Variants in EPG5 observed in about 807,000 individuals in gnomAD.
The protein encoded by EPG5 is ectopic P-granules 5 autophagy tethering factor, also known as ectopic P granules protein 5 homolog.
In EPG5, 159 loss-of-function variants were observed where a neutral mutation model predicts 302.7. The observed-to-expected ratio is 0.53, with a 90% CI of 0.46 to 0.60. EPG5 has a LOEUF of 0.60. EPG5 is among the 20% of genes least tolerant of loss of function. The pLI is 0.00. For missense variants in EPG5, 2,896 were observed against 3,092.4 expected (o/e 0.94, Z 1.51); for synonymous variants, 1,158 against 1,136.8 (o/e 1.02, Z -0.37).
the EPG5 span, among the ~76,000 whole-genome samples, chr18:45,807,183 C>T: frequency 1.4e-4 from 22 of 152,134 alleles, no homozygotes; most frequent in Non-Finnish European, 2.9e-4. Context: ...CTCCATTGAC[C>T]TGGGAGCCTC....
chr18:45,842,399 A>G, the EPG5 span: 4 of 584,880 alleles, frequency 6.8e-6, no homozygotes, highest in Non-Finnish European at 1.2e-5. Context: ...TATTTTTGCC[A>G]GCATTTCGTA....
At chr18:45,864,360 C>T (rs1253149653) in intron 39 of EPG5, among the ~76,000 whole-genome samples, 1 of 152,118 alleles carries the variant, frequency 6.6e-6, no homozygotes, top group East Asian at 1.9e-4. Context: ...TGAACTTATC[C>T]ATTAACTTTA....
chr18:45,910,473 T>C (rs753638671), intron 23 of EPG5, 48 bp downstream of exon 23: 7 of 1,383,848 alleles, frequency 5.1e-6, no homozygotes, highest in Non-Finnish European at 7.0e-6. Flanking sequence ...TCCAGCATAG[T>C]ACCTGTGCTG....
At chr18:45,826,858 G>A in the EPG5 span, among the ~76,000 whole-genome samples, 3 of 152,146 alleles carry the variant, frequency 2.0e-5, no homozygotes, top group African/African-American at 7.2e-5. Flanking sequence ...ACCACATGCT[G>A]GGCACTTTAG....
chr18:45,857,813 G>T (rs765774696), intron 42 of EPG5, 40 bp downstream of exon 42: 1 of 1,543,874 alleles, frequency 6.5e-7, no homozygotes, highest in Non-Finnish European at 8.9e-7. Flanking sequence ...GATGTCTGAG[G>T]CCTATTTAGA....
At chr18:45,807,886 A>C in the EPG5 span, among the ~76,000 whole-genome samples, 1 of 152,212 alleles carries the variant, frequency 6.6e-6, no homozygotes, top group African/African-American at 2.4e-5. Flanking sequence ...GAAATCCCTG[A>C]TTTACCTGAA....
the EPG5 span, chr18:45,825,528 C>T: frequency 3.8e-3 from 2,247 of 583,924 alleles, 20 homozygotes; most frequent in South Asian, 0.02. Flanking sequence ...CTAAACTCCA[C>T]GGGGCTTGAA....
At chr18:45,952,877 T>C (rs774375221) in intron 2 of EPG5, among the ~76,000 whole-genome samples, 14 of 152,230 alleles carry the variant, frequency 9.2e-5, no homozygotes, top group Middle Eastern at 3.4e-3. Context: ...AGAGTAACTC[T>C]AGTAGTCAGC....
At chr18:45,927,894 G>T (rs2145798425) in intron 13 of EPG5, among the ~76,000 whole-genome samples, 1 of 152,174 alleles carries the variant, frequency 6.6e-6, no homozygotes, top group Admixed American at 6.5e-5. Context: ...GGAGATAGAA[G>T]AGTAAGAGTG....
rs557508624 is a variant in EPG5 at position 45,870,594 on chromosome 18, G to C, written c.6198C>G (p.Asp2066Glu). ...TGAAGAAGGCCTCCATGAGCATCTG[G>C]TCAGGGTGCAGGTCCTTCCATGGCA... ...RKLPWKDLHP[D>E]QMLMEAFFKV... Residue 2066 changes from aspartate (D) to glutamate (E), a missense_variant, in exon 36 of 44, where the codon GAC becomes GAG. This residue lies in a region of EPG5 where 620 missense variants were observed against 704.2 expected (regional missense o/e 0.88). Coordinates refer to ENST00000282041, the MANE Select transcript of EPG5 (RefSeq NM_020964.3). The C allele has an allele frequency of 6.2e-7, 1 of 1,613,884 alleles. No homozygotes were observed. Among genetic ancestry groups the C allele is most frequent in the African/African-American group, 1.3e-5 (1 of 75,008 alleles).
intron 2 of EPG5, among the ~76,000 whole-genome samples, chr18:45,952,890 T>C (rs957001187): frequency 4.6e-5 from 7 of 152,066 alleles, no homozygotes; most frequent in African/African-American, 1.7e-4. Flanking sequence ...TAGTCAGCAG[T>C]GGGCCAGGCG....
chr18:45,861,042 T>C (rs2048623779), intron 39 of EPG5, among the ~76,000 whole-genome samples: 1 of 152,216 alleles, frequency 6.6e-6, no homozygotes, highest in Non-Finnish European at 1.5e-5. Flanking sequence ...TGGAATAATT[T>C]TTGCCAACTC....
rs574904087 is a variant in EPG5, at chr18:45,852,188, G to C, written c.*279C>G. 1 of 267,534 alleles carries C rather than the reference G, an allele frequency of 3.7e-6. No individual in the cohort carries two copies. The allele number at this position is 267,534 out of a possible 1,614,324, so 16.6% of individuals were successfully genotyped here. ...TGACTGGGACATTCGGCAACTGTGA[G>C]TGGCTCTGCACCCAAGTGGAACTTA... On this transcript the variant is annotated 3_prime_UTR_variant, in exon 44 of 44. Coordinates refer to ENST00000282041, the MANE Select transcript of EPG5 (RefSeq NM_020964.3).
rs140494095 is a variant in EPG5, at chr18:45,954,662, G to A, written c.740C>T (p.Pro247Leu). The A allele has an allele frequency of 1.9e-3, 3,123 of 1,614,216 alleles. 53 individuals are homozygous for A. The Admixed American group carries it at 0.029, about 15-fold the overall frequency. ...LRSERLYPEL[P>L]SQLELVPFTK... ...AAATGGTACTAGTTCCAGTTGAGAC[G>A]GGAGTTCTGGGTAGAGTCGCTCACT... The change falls in exon 2 of 44, where the codon CCG becomes CTG. Residue 247 changes from proline to leucine, a missense_variant. By Grantham distance (98) the Pro-to-Leu change is moderately conservative. Transcript: ENST00000282041.
At chr18:45,924,545 C>T (rs1035997613) in intron 14 of EPG5, among the ~76,000 whole-genome samples, 2 of 152,202 alleles carry the variant, frequency 1.3e-5, no homozygotes, top group African/African-American at 4.8e-5. Context: ...AGTTTGCCAC[C>T]ATTTTCCCTT....
chr18:45,925,908 T>C lies in EPG5; in HGVS notation c.2554-6A>G. The C allele has an allele frequency of 7.3e-7, 1 of 1,373,528 alleles. No homozygotes were observed. The highest frequency in any genetic ancestry group is 9.5e-7 in the Non-Finnish European group (1 of 1,049,462). 85.1% of individuals were successfully genotyped at this position (1,373,528 alleles called of 1,614,324 possible). A position where few individuals can be genotyped will look rare whatever the true frequency, so the allele number is the denominator to read the frequency against. On this transcript the variant is annotated splice_polypyrimidine_tract_variant and splice_region_variant and intron_variant, in intron 13 of 43. Coordinates refer to ENST00000282041, the MANE Select transcript of EPG5 (RefSeq NM_020964.3). ...TTAAACAAGTATAGAGAAACCTTAT[T>C]AAAAAGAAAACAATAATCATTAAAT... is the stretch of plus-strand genomic sequence containing the variant.
At position 45,889,868 on chromosome 18, in the gene EPG5, G is replaced by T. The variant is rs755807871; in HGVS notation, c.4882C>A (p.Gln1628Lys). 12 of 1,611,634 alleles carry T rather than the reference G, an allele frequency of 7.4e-6. No individual in the cohort carries two copies. The highest frequency in any genetic ancestry group is 5.1e-6 in the Non-Finnish European group (6 of 1,178,736). The part of the protein sequence containing the change: ...HVLRKEVKQL[Q>K]AEAAKPPSLN... ...GATGGTGGTTTAGCAGCTTCTGCTT[G>T]CAACTGCTTCACTTCCTTCCGTAAA... is the stretch of plus-strand genomic sequence containing the variant. The change falls in exon 28 of 44, where the codon CAA (glutamine) becomes AAA (lysine). Residue 1628 changes from glutamine (Q) to lysine (K), a missense_variant. Physicochemically the swap from Gln to Lys is moderately conservative, Grantham distance 53. Around this residue, in one of 5 missense-constraint regions of EPG5, gnomAD observed 790 missense variants for 798.0 expected, o/e 0.99. Coordinates refer to ENST00000282041, the MANE Select transcript of EPG5 (RefSeq NM_020964.3).
rs556565796 is a variant in EPG5 at position 45,915,521 on chromosome 18, G to A, written c.3683C>T (p.Thr1228Met). 54 of 1,612,770 alleles carry A rather than the reference G, an allele frequency of 3.3e-5. No homozygotes were observed. The highest frequency in any genetic ancestry group is 2.8e-4 in the Admixed American group (17 of 60,012). ...ITPSFVEGLA[T>M]PTQVWFAWTV... is the part of the protein sequence containing the mutation. ...CAGTGAGTTTCCTACCTGAGTGGGCGTGGCCAAGCCCTCCACAAAGGAAGG... is the reference window on the plus strand; with the variant it reads ...CAGTGAGTTTCCTACCTGAGTGGGCATGGCCAAGCCCTCCACAAAGGAAGG... The change falls in exon 20 of 44, where the codon ACG becomes ATG. Residue 1228 changes from threonine (T) to methionine (M), a missense_variant. Coordinates refer to ENST00000282041, the MANE Select transcript of EPG5 (RefSeq NM_020964.3).
chr18:45,922,757 A>G (rs1051534985), intron 15 of EPG5, among the ~76,000 whole-genome samples, 157 bp from the exon 16 acceptor site: 1 of 152,206 alleles, frequency 6.6e-6, no homozygotes, highest in African/African-American at 2.4e-5. Flanking sequence ...ACATCAAAGC[A>G]ATTTTTCACT....
Sources: allele counts gnomAD v4.1 joint callset (sites outside exome capture counted in the v4.1 genomes callset), GRCh38; gene constraint gnomAD v4.1.1; regional missense constraint gnomAD v4.1.1; transcripts MANE v1.5; gene names NCBI Gene and HGNC (gene_info 2026-07-23, HGNC 2026-07-21).